GRIA2: variants seen among roughly 807,000 people sequenced by gnomAD.
GRIA2 encodes the protein glutamate ionotropic receptor AMPA type subunit 2.
GRIA2 carries 14 observed loss-of-function variants against 97.3 expected under a neutral mutation model. That is an observed-to-expected ratio of 0.14 (90% confidence interval 0.10 to 0.23). The LOEUF (loss-of-function observed/expected upper bound fraction) is 0.23. Among genes scored for constraint, GRIA2 ranks in the 10% least tolerant of loss-of-function variants. The probability of loss-of-function intolerance (pLI) is 1.00; values close to 1 mark genes in which losing one functional copy is unlikely to be tolerated. For synonymous variants in GRIA2, 412 were observed against 387.8 expected, an observed-to-expected ratio of 1.06 and a Z score of -0.73; for missense variants, 558 against 1,069.8, an observed-to-expected ratio of 0.52 and a Z score of 6.67.
At chr4:157,357,910 T>A (rs977290577) in intron 12 of GRIA2, among the ~76,000 whole-genome samples, 2 of 152,164 alleles carry the variant, frequency 1.3e-5, no homozygotes, top group African/African-American at 4.8e-5. Context: ...TATTGCTAAT[T>A]TTTGAATTTT....
intron 3 of GRIA2, among the ~76,000 whole-genome samples, chr4:157,310,840 TA>T (rs1734047904): frequency 6.6e-6 from 1 of 152,092 alleles, no homozygotes; most frequent in Non-Finnish European, 1.5e-5. Context: ...TTCTTCTATA[TA>T]TGCCCTATAA....
At chr4:157,326,721 G>A (rs1392695294) in intron 6 of GRIA2, among the ~76,000 whole-genome samples, 3 of 152,150 alleles carry the variant, frequency 2.0e-5, no homozygotes, top group African/African-American at 7.2e-5. Context: ...TAAGGCTTTA[G>A]GTTGAACAGA....
chr4:157,240,010 T>C (rs1226774746), intron 2 of GRIA2, among the ~76,000 whole-genome samples: 1 of 152,108 alleles, frequency 6.6e-6, no homozygotes, highest in Non-Finnish European at 1.5e-5. Flanking sequence ...AACTGACATA[T>C]TGAGATAGCA....
chr4:157,259,418 G>T (rs1048294273), intron 2 of GRIA2, among the ~76,000 whole-genome samples: 1 of 152,048 alleles, frequency 6.6e-6, no homozygotes, highest in South Asian at 2.1e-4. Flanking sequence ...AGCTATGAAA[G>T]TAGTTAAAGC....
chr4:157,257,812 T>A (rs979471969), intron 2 of GRIA2, among the ~76,000 whole-genome samples: 1 of 152,090 alleles, frequency 6.6e-6, no homozygotes, highest in Non-Finnish European at 1.5e-5. Flanking sequence ...TTAGAGTTCC[T>A]GTTGCGGGAA....
chr4:157,327,086 A>T (rs1734836309), intron 6 of GRIA2, among the ~76,000 whole-genome samples: 1 of 152,176 alleles, frequency 6.6e-6, no homozygotes, highest in African/African-American at 2.4e-5. Context: ...TAATTGTAAA[A>T]TCGTAATCAT....
intron 4 of GRIA2, among the ~76,000 whole-genome samples, chr4:157,315,449 C>T (rs2126891806): frequency 6.7e-6 from 1 of 150,066 alleles, no homozygotes; most frequent in Non-Finnish European, 1.5e-5. Flanking sequence ...GATGAGATAG[C>T]ACTCCTTATT....
intron 11 of GRIA2, among the ~76,000 whole-genome samples, chr4:157,339,123 A>G (rs183205467): frequency 4.4e-4 from 67 of 152,104 alleles, no homozygotes; most frequent in Non-Finnish European, 7.5e-4. Context: ...ACATGGTCTC[A>G]TGAAGAATAG....
intron 2 of GRIA2, among the ~76,000 whole-genome samples, chr4:157,245,940 A>G (rs909432065): frequency 6.6e-6 from 1 of 152,112 alleles, no homozygotes; most frequent in Non-Finnish European, 1.5e-5. Context: ...TTCTCACAGA[A>G]CACGAATGTT....
chr4:157,320,941 A>C (rs1734534284), intron 5 of GRIA2, among the ~76,000 whole-genome samples: 1 of 152,126 alleles, frequency 6.6e-6, no homozygotes, highest in Non-Finnish European at 1.5e-5. Context: ...GAAATTGTTT[A>C]ATTGTTCTCA....
At chr4:157,282,211 C>A (rs2126816049) in intron 2 of GRIA2, among the ~76,000 whole-genome samples, 1 of 152,134 alleles carries the variant, frequency 6.6e-6, no homozygotes, top group Admixed American at 6.6e-5. Flanking sequence ...AAGTCAGTAC[C>A]ACATGGTTAG....
intron 12 of GRIA2, among the ~76,000 whole-genome samples, chr4:157,354,356 G>T (rs1286143363): frequency 6.6e-6 from 1 of 152,004 alleles, no homozygotes; most frequent in Non-Finnish European, 1.5e-5. Flanking sequence ...TATTATTCAG[G>T]CGTGCTTAAT....
chr4:157,257,315 G>C (rs2126759058), intron 2 of GRIA2, among the ~76,000 whole-genome samples: 1 of 152,116 alleles, frequency 6.6e-6, no homozygotes, highest in African/African-American at 2.4e-5. Context: ...GCCCTCTGAG[G>C]TTGTGATTTG....
chr4:157,270,472 A>G (rs1179671206), intron 2 of GRIA2, among the ~76,000 whole-genome samples: 1 of 152,162 alleles, frequency 6.6e-6, no homozygotes, highest in East Asian at 1.9e-4. Flanking sequence ...TGATTATTAA[A>G]ATAACTTAAA....
At chr4:157,358,846 G>A (rs1015238320) in intron 12 of GRIA2, among the ~76,000 whole-genome samples, 1 of 152,044 alleles carries the variant, frequency 6.6e-6, no homozygotes, top group Non-Finnish European at 1.5e-5. Flanking sequence ...TATATCATAT[G>A]TCTGCTTTTT....
At chr4:157,321,310 G>T (rs1393650268) in intron 5 of GRIA2, 128 bp from the exon 6 acceptor site, 3 of 658,024 alleles carry the variant, frequency 4.6e-6, no homozygotes, top group African/African-American at 3.7e-5. Flanking sequence ...GACATTTTCT[G>T]CAGGCTTATT....
chr4:157,365,766 A>C lies in GRIA2; in HGVS notation c.*2335A>C, dbSNP rs1285325831. 1.3e-5 allele frequency: 2 copies of C among 151,908 alleles called. No individual in the cohort carries two copies. Among genetic ancestry groups the C allele is most frequent in the African/African-American group, 4.8e-5 (2 of 41,382 alleles). The allele number at this position is 151,908 out of a possible 1,614,324, so 9.4% of individuals were successfully genotyped here. ...GTCTAAAGGTTTTTTTATTCATTTTATATAAAAACTGTTATGGAAAGACCA... is the reference window on the plus strand; with the variant it reads ...GTCTAAAGGTTTTTTTATTCATTTTCTATAAAAACTGTTATGGAAAGACCA... On this transcript the variant is annotated 3_prime_UTR_variant, in exon 16 of 16. Coordinates refer to ENST00000264426, the MANE Select transcript of GRIA2 (RefSeq NM_001083619.3).
chr4:157,337,919 A>T (rs906277423), intron 11 of GRIA2, among the ~76,000 whole-genome samples: 13 of 149,306 alleles, frequency 8.7e-5, no homozygotes, highest in African/African-American at 2.9e-4. Context: ...GTTCCACCAG[A>T]TTCCCTGTGA....
chr4:157,227,519 A>G (rs2126682829), intron 2 of GRIA2, among the ~76,000 whole-genome samples: 1 of 152,318 alleles, frequency 6.6e-6, no homozygotes, highest in Admixed American at 6.5e-5. Context: ...CTGCAGAGCA[A>G]ATGCTATTAC....
Sources: gnomAD v4.1 joint callset for allele counts (sites outside exome capture counted in the v4.1 genomes callset) on GRCh38, gnomAD v4.1.1 for gene constraint, MANE v1.5 for transcripts, NCBI Gene and HGNC (gene_info 2026-07-23, HGNC 2026-07-21) for gene names.